EIF3E: variants seen among roughly 807,000 people sequenced by gnomAD.
The protein encoded by EIF3E is eIF-3 p48.
In EIF3E, 25 loss-of-function variants were observed where a neutral mutation model predicts 59.3. That is an observed-to-expected ratio of 0.42 (90% CI 0.31 to 0.59). The LOEUF (loss-of-function observed/expected upper bound fraction) is 0.59. Among genes scored for constraint, EIF3E ranks in the 20% least tolerant of loss-of-function variants. The pLI is 0.15. For missense variants in EIF3E, 317 were observed against 534.3 expected (o/e 0.59, Z 4.01); for synonymous variants, 176 against 170.2 (o/e 1.03, Z -0.26).
At chr8:108,207,532 C>CA (rs1284635620) in intron 10 of EIF3E, among the ~76,000 whole-genome samples, 1 of 152,118 alleles carries the variant, frequency 6.6e-6, no homozygotes, top group African/African-American at 2.4e-5. Flanking sequence ...AACTAAAAGA[C>CA]AAAATCCATC....
At chr8:108,235,840 C>T (rs1227867105) in intron 4 of EIF3E, among the ~76,000 whole-genome samples, 1 of 152,194 alleles carries the variant, frequency 6.6e-6, no homozygotes, top group Non-Finnish European at 1.5e-5. Context: ...GAAAAGGCAT[C>T]CTATGCCCTA....
In EIF3E at chr8:108,228,412, T is replaced by C. The variant is rs199909863; in HGVS notation, c.598-21A>G. Reference sequence around the variant, plus strand: ...ACAGACTAAAGGATTTAAAAATATATACATAAAAAATATTAATATATAAGA... The same window carrying C: ...ACAGACTAAAGGATTTAAAAATATACACATAAAAAATATTAATATATAAGA... On this transcript the variant is annotated intron_variant, in intron 6 of 12. Coordinates refer to ENST00000220849, the MANE Select transcript of EIF3E (RefSeq NM_001568.3). 7.6e-5 allele frequency: 110 copies of C among 1,454,238 alleles called. No homozygotes were observed. In the African/African-American group the frequency reaches 1.5e-3, roughly 19 times the overall value. 90.1% of individuals were successfully genotyped at this position (1,454,238 alleles called of 1,614,324 possible). A position where few individuals can be genotyped will look rare whatever the true frequency, so the allele number is the denominator to read the frequency against.
chr8:108,247,904 T>C (rs928689954), intron 1 of EIF3E, among the ~76,000 whole-genome samples: 1 of 152,116 alleles, frequency 6.6e-6, no homozygotes, highest in African/African-American at 2.4e-5. Context: ...AGTTCCAGAA[T>C]TACACATTTA....
At chr8:108,210,426 G>C (rs1159116376) in intron 10 of EIF3E, among the ~76,000 whole-genome samples, 2 of 152,072 alleles carry the variant, frequency 1.3e-5, no homozygotes, top group Admixed American at 1.3e-4. Context: ...GTACAACTAG[G>C]TTTAAAACCT....
At position 108,211,425 on chromosome 8, in the gene EIF3E, C is replaced by T. The variant is rs548538357; in HGVS notation, c.1061+3182G>A. 2.0e-5 allele frequency among the ~76,000 whole-genome samples: 3 copies of T among 152,244 alleles called. No individual in the cohort carries two copies. In the East Asian group the frequency reaches 5.8e-4, roughly 29 times the overall value. ...CAGAAGTATCTGTTCATATCCTTTGCCCACTTTTTGATGGGGTTGTTTTTT... is the reference window on the plus strand; with the variant it reads ...CAGAAGTATCTGTTCATATCCTTTGTCCACTTTTTGATGGGGTTGTTTTTT... On this transcript the variant is annotated intron_variant, in intron 10 of 12. Transcript: ENST00000220849.
chr8:108,213,309 G>A (rs1162733727), intron 10 of EIF3E, among the ~76,000 whole-genome samples: 1 of 152,084 alleles, frequency 6.6e-6, no homozygotes, highest in African/African-American at 2.4e-5. Context: ...GGACAAAAAT[G>A]CCAAGTTCAC....
chr8:108,243,089 AAAAC>A (rs1181521886), intron 1 of EIF3E, among the ~76,000 whole-genome samples: 1 of 152,194 alleles, frequency 6.6e-6, no homozygotes, highest in African/African-American at 2.4e-5. Flanking sequence ...TTAAAATGAG[AAAAC>A]AAACCACAGC....
chr8:108,229,946 TAA>T (rs1563634056), intron 5 of EIF3E, among the ~76,000 whole-genome samples: 2 of 152,168 alleles, frequency 1.3e-5, no homozygotes, highest in South Asian at 2.1e-4. Context: ...TATCCGCTGG[TAA>T]AAGAGTCACA....
intron 10 of EIF3E, among the ~76,000 whole-genome samples, chr8:108,210,760 C>G (rs201205351): frequency 6.6e-6 from 1 of 151,416 alleles, no homozygotes; most frequent in African/African-American, 2.4e-5. Context: ...CCCCACCCCA[C>G]GACAGGCCCC....
At chr8:108,206,950 C>A (rs1190201279) in intron 10 of EIF3E, among the ~76,000 whole-genome samples, 1 of 152,192 alleles carries the variant, frequency 6.6e-6, no homozygotes, top group Non-Finnish European at 1.5e-5. Context: ...TGCCTGCACG[C>A]TCTGAGCCAT....
intron 4 of EIF3E, among the ~76,000 whole-genome samples, chr8:108,235,733 T>C (rs575704601): frequency 1.3e-5 from 2 of 152,380 alleles, no homozygotes; most frequent in East Asian, 3.9e-4. Flanking sequence ...CAAAGGCTAT[T>C]GTGTTCCACA....
At chr8:108,216,220 A>G (rs1235343893) in intron 9 of EIF3E, among the ~76,000 whole-genome samples, 192 bp downstream of exon 9, 2 of 152,222 alleles carry the variant, frequency 1.3e-5, no homozygotes, top group African/African-American at 4.8e-5. Flanking sequence ...TCCCATTTTA[A>G]GATTAATAAA....
chr8:108,228,416 T>TA (rs779188474), intron 6 of EIF3E, 25 bp from the exon 7 acceptor site: 16 of 1,425,734 alleles, frequency 1.1e-5, no homozygotes, highest in Admixed American at 1.0e-4. Flanking sequence ...AATATATACA[T>TA]AAAAAATATT....
At chr8:108,245,187 C>T (rs1487833548) in intron 1 of EIF3E, among the ~76,000 whole-genome samples, 5 of 151,660 alleles carry the variant, frequency 3.3e-5, no homozygotes, top group Admixed American at 2.0e-4. Context: ...ACATTTAGAG[C>T]CAAGGGTGGT....
chr8:108,244,839 A>C (rs1815916169), intron 1 of EIF3E, among the ~76,000 whole-genome samples: 1 of 152,018 alleles, frequency 6.6e-6, no homozygotes, highest in Non-Finnish European at 1.5e-5. Flanking sequence ...GGTTCTGGCT[A>C]AGGATGACTA....
In EIF3E at chr8:108,231,062, A is replaced by G. The variant is rs531809194; in HGVS notation, c.472-1867T>C. ...ACAAAAAGGGTCTTTCTGAGGTGAC[A>G]GAAATGTTCTTTATCTTGACTTAAT... On this transcript the variant is annotated intron_variant, in intron 5 of 12. Coordinates refer to ENST00000220849, the MANE Select transcript of EIF3E (RefSeq NM_001568.3). Among the ~76,000 whole-genome samples the G allele has an allele frequency of 7.2e-5, 11 of 152,306 alleles. No homozygotes were observed. The East Asian group carries it at 2.1e-3, about 29-fold the overall frequency.
At chr8:108,219,641 C>T (rs143725971) in intron 7 of EIF3E, among the ~76,000 whole-genome samples, 115 of 152,068 alleles carry the variant, frequency 7.6e-4, no homozygotes, top group African/African-American at 2.5e-3. Flanking sequence ...TTTGGGAGGC[C>T]GAGGTGAGAG....
At chr8:108,221,810 A>ACACG (rs756522527) in intron 7 of EIF3E, among the ~76,000 whole-genome samples, 21 of 152,086 alleles carry the variant, frequency 1.4e-4, no homozygotes, top group Non-Finnish European at 2.9e-4. Flanking sequence ...ACACACGCAC[A>ACACG]CACACACACA....
intron 7 of EIF3E, among the ~76,000 whole-genome samples, chr8:108,226,587 T>C (rs1815520853): frequency 2.0e-5 from 3 of 152,334 alleles, no homozygotes; most frequent in Non-Finnish European, 2.9e-5. Context: ...AATATAATTT[T>C]AATATCATTT....
Sources: allele counts gnomAD v4.1 joint callset (sites outside exome capture counted in the v4.1 genomes callset), GRCh38; gene constraint gnomAD v4.1.1; transcripts MANE v1.5; gene names NCBI Gene and HGNC (gene_info 2026-07-23, HGNC 2026-07-21).